The following PHACTR4 variants were observed in gnomAD, a reference collection of about 807,000 sequenced individuals.
The protein encoded by PHACTR4 is phosphatase and actin regulator 4, also known as protein phosphatase 1, regulatory subunit 124.
A neutral mutation model predicts 72.7 loss-of-function variants in PHACTR4; 51 were observed. That is an observed-to-expected ratio of 0.70 (90% CI 0.56 to 0.89). The LOEUF is 0.89. Among genes scored for constraint, PHACTR4 ranks in the 40% least tolerant of loss-of-function variants. PHACTR4 has a pLI of 0.00. For synonymous variants in PHACTR4, 255 were observed against 302.5 expected (o/e 0.84, Z 1.63); for missense variants, 731 against 861.8 (o/e 0.85, Z 1.90).
chr1:28,460,169 C>A, intron 3 of PHACTR4, 43 bp from the exon 4 acceptor site: 1 of 1,383,066 alleles, frequency 7.2e-7, no homozygotes, highest in Non-Finnish European at 1.0e-6. Flanking sequence ...GGTTGACTTT[C>A]AACTGTCACA....
At chr1:28,449,029 A>G (rs945527070) in intron 2 of PHACTR4, among the ~76,000 whole-genome samples, 18 of 152,124 alleles carry the variant, frequency 1.2e-4, no homozygotes, top group Admixed American at 4.6e-4. Context: ...CTGTAGTTCT[A>G]TCTTCTCAGA....
intron 2 of PHACTR4, among the ~76,000 whole-genome samples, chr1:28,423,937 C>G (rs538774546): frequency 3.3e-5 from 5 of 152,230 alleles, no homozygotes; most frequent in Non-Finnish European, 5.9e-5. Context: ...TTCTTCAAAT[C>G]TTTTCACACA....
intron 1 of PHACTR4, among the ~76,000 whole-genome samples, chr1:28,385,862 T>TCCTTGG (rs914195731): frequency 5.3e-5 from 8 of 151,586 alleles, no homozygotes; most frequent in African/African-American, 1.9e-4. Context: ...TGATCCGCCC[T>TCCTTGG]CCTTGGCCTC....
At chr1:28,420,645 A>G (rs1249434117) in intron 2 of PHACTR4, among the ~76,000 whole-genome samples, 2 of 152,210 alleles carry the variant, frequency 1.3e-5, no homozygotes, top group Non-Finnish European at 2.9e-5. Flanking sequence ...TCTCAAAATA[A>G]AAGAGGATTG....
intron 1 of PHACTR4, among the ~76,000 whole-genome samples, chr1:28,379,831 C>T (rs1322840703): frequency 2.0e-5 from 3 of 150,888 alleles, no homozygotes; most frequent in African/African-American, 2.4e-5. Flanking sequence ...CCTCGTGATC[C>T]GCCCGCCTCG....
intron 7 of PHACTR4, among the ~76,000 whole-genome samples, chr1:28,474,547 ATT>A (rs539221138): frequency 6.8e-6 from 1 of 147,254 alleles, no homozygotes; most frequent in Non-Finnish European, 1.5e-5. Context: ...AATGTGAATA[ATT>A]TTTTTTTTTC....
chr1:28,403,213 C>T (rs1262030350), intron 1 of PHACTR4, among the ~76,000 whole-genome samples: 1 of 152,160 alleles, frequency 6.6e-6, no homozygotes, highest in East Asian at 1.9e-4. Flanking sequence ...GGGACAGGAG[C>T]AGCAGTATTT....
intron 2 of PHACTR4, among the ~76,000 whole-genome samples, chr1:28,409,875 TTCATCAATTAGATCCA>T (rs968152393): frequency 4.6e-5 from 7 of 151,884 alleles, no homozygotes; most frequent in African/African-American, 9.7e-5. Context: ...TTATGCCTAG[TTCATCAATTAGATCCA>T]TCATCAATTA....
intron 1 of PHACTR4, among the ~76,000 whole-genome samples, chr1:28,381,385 G>A (rs560782657): frequency 2.8e-5 from 4 of 143,810 alleles, no homozygotes; most frequent in South Asian, 4.4e-4. Flanking sequence ...TGCAACCTCC[G>A]CCTCCCGGGT....
intron 1 of PHACTR4, among the ~76,000 whole-genome samples, chr1:28,402,271 A>C (rs529901791): frequency 8.1e-5 from 12 of 147,910 alleles, no homozygotes; most frequent in East Asian, 1.9e-4. Flanking sequence ...CCTGGGGGGG[A>C]AAAAATTGGG....
intron 2 of PHACTR4, among the ~76,000 whole-genome samples, chr1:28,431,227 G>A (rs1226426090): frequency 6.8e-6 from 1 of 146,508 alleles, no homozygotes; most frequent in East Asian, 2.0e-4. Context: ...ACATGGGGCT[G>A]GGTGCAGTGG....
At position 28,395,818 on chromosome 1, in the gene PHACTR4, A is replaced by ATTT. The variant is rs754161784; in HGVS notation, c.-38-11570_-38-11568dup. On this transcript the variant is annotated intron_variant, in intron 1 of 13. Coordinates refer to ENST00000373839, the MANE Select transcript of PHACTR4 (RefSeq NM_001048183.3). ...ACTGTTACAATTACACGCCTGGCTA[A>ATTT]TTTTTTTTTTTTTTTTTTTTTTTTA... Among the ~76,000 whole-genome samples, 55 of 74,982 alleles carry ATTT rather than the reference A, an allele frequency of 7.3e-4. 7 individuals carry two copies. Among genetic ancestry groups the ATTT allele is most frequent in the African/African-American group, 2.8e-3 (35 of 12,530 alleles). 49.2% of individuals were successfully genotyped at this position (74,982 alleles called of 152,430 possible).
Position 28,440,170 on chromosome 1 carries a change from C to T in PHACTR4, c.17-18915C>T, listed in dbSNP as rs1456174120. Among the ~76,000 whole-genome samples, 32 of 151,082 alleles carry T rather than the reference C, an allele frequency of 2.1e-4. 1 individual carries two copies. Among genetic ancestry groups the T allele is most frequent in the Non-Finnish European group, 2.8e-4 (19 of 67,712 alleles). On this transcript the variant is annotated intron_variant, in intron 2 of 13. Coordinates refer to ENST00000373839, the MANE Select transcript of PHACTR4 (RefSeq NM_001048183.3). ...CAAAAAAATCAGCTGGGCGTGGTGGCGGGCGCCTGTAGCCCCAGCTACTCG... is the reference window on the plus strand; with the variant it reads ...CAAAAAAATCAGCTGGGCGTGGTGGTGGGCGCCTGTAGCCCCAGCTACTCG...
In PHACTR4 at chr1:28,389,526, G is replaced by GAACA. The variant is rs1162729469; in HGVS notation, c.-38-17884_-38-17883insAACA. Among the ~76,000 whole-genome samples the GAACA allele has an allele frequency of 4.4e-4, 65 of 148,092 alleles. 1 individual carries two copies. In the East Asian group the frequency reaches 0.012, roughly 28 times the overall value. On this transcript the variant is annotated intron_variant, in intron 1 of 13. Coordinates refer to ENST00000373839, the MANE Select transcript of PHACTR4 (RefSeq NM_001048183.3). ...CACAGTCTCGCTCTGTTGCCAGGCT[G>GAACA]GAGTGCAGTGACGCAATCTCGGCTC...
chr1:28,483,136 G>T (rs1283947126), intron 9 of PHACTR4, among the ~76,000 whole-genome samples: 1 of 151,932 alleles, frequency 6.6e-6, no homozygotes, highest in Non-Finnish European at 1.5e-5. Context: ...GGGCACGGTG[G>T]CTCACTCCTG....
intron 1 of PHACTR4, among the ~76,000 whole-genome samples, chr1:28,370,119 C>T (rs1391434352): frequency 6.6e-6 from 1 of 152,026 alleles, no homozygotes; most frequent in Admixed American, 6.5e-5. Context: ...TGCGTTGCTC[C>T]CCCTTTGTGT....
intron 9 of PHACTR4, among the ~76,000 whole-genome samples, chr1:28,483,131 C>T (rs893181113): frequency 1.3e-5 from 2 of 151,550 alleles, no homozygotes; most frequent in African/African-American, 4.8e-5. Context: ...AGGCTGGGCA[C>T]GGTGGCTCAC....
At chr1:28,443,666 C>G (rs1253962475) in intron 2 of PHACTR4, among the ~76,000 whole-genome samples, 1 of 151,960 alleles carries the variant, frequency 6.6e-6, no homozygotes, top group African/African-American at 2.4e-5. Flanking sequence ...CCTGGCTGGT[C>G]TCAAACTCCT....
Position 28,496,724 on chromosome 1 carries a change from G to A in PHACTR4, c.*175G>A. The A allele has an allele frequency of 1.4e-6, 1 of 704,666 alleles. No homozygotes were observed. The highest frequency in any genetic ancestry group is 2.5e-5 in the Admixed American group (1 of 40,312). The allele number at this position is 704,666 out of a possible 1,614,324, so 43.7% of individuals were successfully genotyped here. A position where few individuals can be genotyped will look rare whatever the true frequency, so the allele number is the denominator to read the frequency against. ...TCACTGGAACAGAGTCTTATGTGCTGCACCGGGGGCAAAACAACACTTTGT... is the reference window on the plus strand; with the variant it reads ...TCACTGGAACAGAGTCTTATGTGCTACACCGGGGGCAAAACAACACTTTGT... On this transcript the variant is annotated 3_prime_UTR_variant, in exon 14 of 14. Coordinates refer to ENST00000373839, the MANE Select transcript of PHACTR4 (RefSeq NM_001048183.3).
Sources: gnomAD v4.1 joint callset for allele counts (sites outside exome capture counted in the v4.1 genomes callset) on GRCh38, gnomAD v4.1.1 for gene constraint, MANE v1.5 for transcripts, NCBI Gene and HGNC (gene_info 2026-07-23, HGNC 2026-07-21) for gene names.